The following GALNTL6 variants were observed in gnomAD, a reference collection of about 807,000 sequenced individuals.
GALNTL6 encodes polypeptide N-acetylgalactosaminyltransferase like 6.
A neutral mutation model predicts 73.7 loss-of-function variants in GALNTL6; 46 were observed. The ratio of observed to expected loss-of-function variants is 0.62; its 90% CI spans 0.49 to 0.80. GALNTL6 has a LOEUF of 0.80. Among genes scored for constraint, GALNTL6 ranks in the 30% least tolerant of loss-of-function variants. The pLI is 0.00. For synonymous variants in GALNTL6, 259 were observed against 263.7 expected (o/e 0.98, Z 0.17); for missense variants, 604 against 755.0 (o/e 0.80, Z 2.34).
intron 5 of GALNTL6, among the ~76,000 whole-genome samples, chr4:172,618,857 G>T (rs1447881600): frequency 6.6e-6 from 1 of 152,060 alleles, no homozygotes; most frequent in Non-Finnish European, 1.5e-5. Flanking sequence ...CCAAGTAGCT[G>T]CGATTAAGGG....
chr4:172,909,240 A>G (rs923865690), intron 8 of GALNTL6, among the ~76,000 whole-genome samples: 2 of 151,894 alleles, frequency 1.3e-5, no homozygotes, highest in Non-Finnish European at 2.9e-5. Context: ...AGCATTAAAA[A>G]TGACAAAAAA....
At chr4:172,495,495 T>C (rs1490463276) in intron 5 of GALNTL6, among the ~76,000 whole-genome samples, 3 of 152,200 alleles carry the variant, frequency 2.0e-5, no homozygotes, top group Non-Finnish European at 4.4e-5. Flanking sequence ...CTCTCTCCCC[T>C]CTGCTGTGTC....
chr4:172,140,071 A>G (rs539054087), intron 2 of GALNTL6, among the ~76,000 whole-genome samples: 78 of 152,058 alleles, frequency 5.1e-4, no homozygotes, highest in African/African-American at 1.8e-3. Context: ...TATTGTATGT[A>G]CTCTGAGGGT....
chr4:172,905,357 C>T lies in GALNTL6; in HGVS notation c.1041+22450C>T, dbSNP rs1368570172. Among the ~76,000 whole-genome samples the T allele has an allele frequency of 3.3e-5, 5 of 152,196 alleles. No homozygotes were observed. The East Asian group carries it at 7.7e-4, about 23-fold the overall frequency. ...TTTTAAAAGGAAATATAGCTTCTTCCTCTCTGACCTTTATTAAGAGAAGAC... is the reference window on the plus strand; with the variant it reads ...TTTTAAAAGGAAATATAGCTTCTTCTTCTCTGACCTTTATTAAGAGAAGAC... On this transcript the variant is annotated intron_variant, in intron 8 of 12. Coordinates refer to ENST00000506823, the MANE Select transcript of GALNTL6 (RefSeq NM_001034845.3).
At chr4:172,955,471 A>G (rs577256608) in intron 10 of GALNTL6, among the ~76,000 whole-genome samples, 1 of 152,174 alleles carries the variant, frequency 6.6e-6, no homozygotes, top group Admixed American at 6.5e-5. Context: ...GAAAAAAAAA[A>G]GGATAAAAAA....
At chr4:172,668,562 C>T (rs1313809195) in intron 5 of GALNTL6, 2 of 152,152 alleles carry the variant, frequency 1.3e-5, no homozygotes, top group Admixed American at 1.3e-4. Flanking sequence ...CTCACTCTGG[C>T]AGACCTGTGG....
At chr4:172,556,285 G>T (rs1447684200) in intron 5 of GALNTL6, among the ~76,000 whole-genome samples, 1 of 151,930 alleles carries the variant, frequency 6.6e-6, no homozygotes, top group African/African-American at 2.4e-5. Context: ...TCCTGTTTAT[G>T]GGTCCATGAT....
At chr4:172,289,634 G>C (rs529810162) in intron 3 of GALNTL6, among the ~76,000 whole-genome samples, 1 of 152,172 alleles carries the variant, frequency 6.6e-6, no homozygotes, top group Non-Finnish European at 1.5e-5. Context: ...AGAAGCTAGA[G>C]CTCCTATGAG....
chr4:171,991,712 A>ACG (rs1740338485), intron 2 of GALNTL6, among the ~76,000 whole-genome samples: 1 of 137,296 alleles, frequency 7.3e-6, no homozygotes, highest in East Asian at 2.1e-4. Context: ...GTTTGATTAT[A>ACG]TGTGTGTGTG....
At chr4:172,078,791 A>G (rs1001429267) in intron 2 of GALNTL6, among the ~76,000 whole-genome samples, 1 of 152,188 alleles carries the variant, frequency 6.6e-6, no homozygotes, top group African/African-American at 2.4e-5. Context: ...GAACTGAAAT[A>G]AACATTTCCA....
intron 3 of GALNTL6, among the ~76,000 whole-genome samples, chr4:172,273,716 A>G (rs139387864): frequency 8.6e-4 from 131 of 152,294 alleles, no homozygotes; most frequent in African/African-American, 2.9e-3. Context: ...GGAGATATGA[A>G]ACGAGAGTGA....
At chr4:172,815,051 T>A (rs182252240) in intron 7 of GALNTL6, among the ~76,000 whole-genome samples, 54 of 152,282 alleles carry the variant, frequency 3.5e-4, no homozygotes, top group Non-Finnish European at 6.0e-4. Context: ...AAGCAAAGTG[T>A]TTCTAATAAG....
Position 172,336,270 on chromosome 4 carries a change from G to GTTTTTTTTTTTT in GALNTL6, c.387-12249_387-12248insTTTTTTTTTTTT, listed in dbSNP as rs138448149. ...TGAGAACTCTTCTTGGTATAGTTTT[G>GTTTTTTTTTTTT]TTTTGTTTTTTTTTTTTTTTGACTG... is the stretch of plus-strand genomic sequence containing the variant. On this transcript the variant is annotated intron_variant, in intron 4 of 12. Coordinates refer to ENST00000506823, the MANE Select transcript of GALNTL6 (RefSeq NM_001034845.3). 2.9e-3 allele frequency among the ~76,000 whole-genome samples: 318 copies of GTTTTTTTTTTTT among 108,390 alleles called. 59 individuals are homozygous for GTTTTTTTTTTTT. The highest frequency in any genetic ancestry group is 3.9e-3 in the African/African-American group (106 of 26,842). The allele number at this position is 108,390 out of a possible 152,430, so 71.1% of individuals were successfully genotyped here. A position where few individuals can be genotyped will look rare whatever the true frequency, so the allele number is the denominator to read the frequency against.
At chr4:172,815,161 G>A (rs1741529172) in intron 7 of GALNTL6, among the ~76,000 whole-genome samples, 1 of 152,134 alleles carries the variant, frequency 6.6e-6, no homozygotes, top group African/African-American at 2.4e-5. Context: ...CGAGTGACAA[G>A]GTTGTGAGGT....
intron 5 of GALNTL6, among the ~76,000 whole-genome samples, chr4:172,787,657 G>GA (rs1739737808): frequency 6.6e-6 from 1 of 152,182 alleles, no homozygotes; most frequent in Non-Finnish European, 1.5e-5. Context: ...ATAGGGGGCT[G>GA]AAATCACCAG....
At chr4:172,431,046 C>T (rs1731430603) in intron 5 of GALNTL6, among the ~76,000 whole-genome samples, 1 of 151,956 alleles carries the variant, frequency 6.6e-6, no homozygotes, top group Non-Finnish European at 1.5e-5. Context: ...AGAGTTATTG[C>T]ATTATACTTA....
At chr4:172,948,633 T>TTG (rs1296229275) in intron 9 of GALNTL6, among the ~76,000 whole-genome samples, 1 of 151,030 alleles carries the variant, frequency 6.6e-6, no homozygotes, top group Non-Finnish European at 1.5e-5. Context: ...TTTTTTTTTT[T>TTG]TGTATTTTTA....
intron 5 of GALNTL6, among the ~76,000 whole-genome samples, chr4:172,790,645 A>T (rs1739939420): frequency 6.6e-6 from 1 of 151,538 alleles, no homozygotes; most frequent in African/African-American, 2.4e-5. Flanking sequence ...TAGTCCCAGC[A>T]CTTTGGGAGG....
At chr4:171,978,229 A>G (rs1216853204) in intron 2 of GALNTL6, among the ~76,000 whole-genome samples, 2 of 151,134 alleles carry the variant, frequency 1.3e-5, no homozygotes, top group Non-Finnish European at 2.9e-5. Flanking sequence ...AAAATATTCT[A>G]GGAATATGTG....
Sources: gnomAD v4.1 joint callset for allele counts (sites outside exome capture counted in the v4.1 genomes callset) on GRCh38, gnomAD v4.1.1 for gene constraint, MANE v1.5 for transcripts, NCBI Gene and HGNC (gene_info 2026-07-23, HGNC 2026-07-21) for gene names.